CDK14: variants seen among roughly 807,000 people sequenced by gnomAD.
CDK14 encodes cyclin-dependent kinase 14.
In CDK14, 34 loss-of-function variants were observed where a neutral mutation model predicts 60.7. That is an observed-to-expected ratio of 0.56 (90% CI 0.43 to 0.75). CDK14 has a LOEUF of 0.75. Among genes scored for constraint, CDK14 ranks in the 30% least tolerant of loss-of-function variants. CDK14 has a pLI of 0.00. For missense variants in CDK14, 482 were observed against 564.1 expected (o/e 0.85, Z 1.47); for synonymous variants, 197 against 203.7 (o/e 0.97, Z 0.28).
chr7:90,626,795 A>C (rs1799885084), intron 2 of CDK14, among the ~76,000 whole-genome samples: 2 of 151,980 alleles, frequency 1.3e-5, no homozygotes, highest in Non-Finnish European at 2.9e-5. Context: ...AAAATTAGCC[A>C]GGTGTGATGT....
At chr7:91,116,644 T>C (rs572069220) in intron 13 of CDK14, among the ~76,000 whole-genome samples, 1 of 152,280 alleles carries the variant, frequency 6.6e-6, no homozygotes, top group Non-Finnish European at 1.5e-5. Context: ...TAGACTTTCA[T>C]GCTGTTTTGA....
chr7:90,621,478 A>G (rs566679665), intron 2 of CDK14, among the ~76,000 whole-genome samples: 1 of 152,194 alleles, frequency 6.6e-6, no homozygotes, highest in Admixed American at 6.5e-5. Flanking sequence ...CAGCATTTCT[A>G]CCTCTCTCTG....
At chr7:91,125,736 C>T (rs2116405910) in intron 14 of CDK14, among the ~76,000 whole-genome samples, 1 of 152,050 alleles carries the variant, frequency 6.6e-6, no homozygotes, top group Admixed American at 6.5e-5. Context: ...ATAAAAATAA[C>T]CCTGTATGCT....
At chr7:90,779,265 A>G (rs1805201771) in intron 4 of CDK14, among the ~76,000 whole-genome samples, 1 of 152,138 alleles carries the variant, frequency 6.6e-6, no homozygotes, top group South Asian at 2.1e-4. Flanking sequence ...AAAAAGAAAA[A>G]AATATAAAAA....
chr7:91,136,510 T>G (rs1206547416), intron 14 of CDK14, among the ~76,000 whole-genome samples: 1 of 152,190 alleles, frequency 6.6e-6, no homozygotes, highest in African/African-American at 2.4e-5. Flanking sequence ...GAGTGCCTTT[T>G]AAATTTATAA....
In CDK14 at chr7:90,914,059, G is replaced by A. The variant is rs79160063; in HGVS notation, c.703-3542G>A. ...GCCACAGTTAATTTAATGAGGCTGA[G>A]TTGGTAGGTTTACAGCTTCATATAT... On this transcript the variant is annotated intron_variant, in intron 7 of 14. Coordinates refer to ENST00000380050, the MANE Select transcript of CDK14 (RefSeq NM_001287135.2). 2.0e-5 allele frequency among the ~76,000 whole-genome samples: 3 copies of A among 152,276 alleles called. No homozygotes were observed. The East Asian group carries it at 5.8e-4, about 29-fold the overall frequency.
At chr7:90,621,754 C>T (rs1328892603) in intron 2 of CDK14, among the ~76,000 whole-genome samples, 5 of 151,486 alleles carry the variant, frequency 3.3e-5, no homozygotes, top group Non-Finnish European at 5.9e-5. Flanking sequence ...TGGGATTTAT[C>T]TTAAATGTTT....
chr7:90,890,336 A>G (rs111842995), intron 6 of CDK14, among the ~76,000 whole-genome samples: 1 of 152,142 alleles, frequency 6.6e-6, no homozygotes, highest in Admixed American at 6.5e-5. Context: ...TCACACCACT[A>G]CACTCCAGCC....
chr7:91,137,645 C>A (rs1172179476), intron 14 of CDK14, among the ~76,000 whole-genome samples: 2 of 151,630 alleles, frequency 1.3e-5, no homozygotes, highest in African/African-American at 4.9e-5. Flanking sequence ...CACACTCACA[C>A]CAAGATAAGC....
At chr7:90,759,054 T>TAAAAAA (rs66582106) in intron 4 of CDK14, among the ~76,000 whole-genome samples, 37 of 134,726 alleles carry the variant, frequency 2.7e-4, no homozygotes, top group South Asian at 5.0e-4. Context: ...AGACTCTGTC[T>TAAAAAA]AAAAAAAAAA....
intron 14 of CDK14, among the ~76,000 whole-genome samples, chr7:91,149,103 G>A (rs1188639428): frequency 2.0e-5 from 3 of 152,110 alleles, no homozygotes; most frequent in Admixed American, 2.0e-4. Flanking sequence ...CAATATACAA[G>A]CAAAAGGTCC....
intron 2 of CDK14, among the ~76,000 whole-genome samples, chr7:90,620,181 A>G (rs1354323548): frequency 6.6e-6 from 1 of 152,194 alleles, no homozygotes; most frequent in Admixed American, 6.5e-5. Flanking sequence ...TTTCAGTGGG[A>G]CATCTACCAC....
chr7:90,642,679 A>G (rs1271601162), intron 2 of CDK14, among the ~76,000 whole-genome samples: 1 of 152,134 alleles, frequency 6.6e-6, no homozygotes, highest in Non-Finnish European at 1.5e-5. Context: ...TGTGCCTAGC[A>G]TGAATTGGGA....
At chr7:91,087,587 T>C (rs1393897079) in intron 12 of CDK14, among the ~76,000 whole-genome samples, 4 of 152,290 alleles carry the variant, frequency 2.6e-5, no homozygotes, top group Non-Finnish European at 2.9e-5. Flanking sequence ...AGGGTATAAA[T>C]TACTGGGTAC....
chr7:90,868,896 G>A (rs1176142054), intron 6 of CDK14, among the ~76,000 whole-genome samples: 1 of 152,174 alleles, frequency 6.6e-6, no homozygotes, highest in Non-Finnish European at 1.5e-5. Context: ...AAAGATGCCA[G>A]TTACTCCATT....
intron 7 of CDK14, among the ~76,000 whole-genome samples, chr7:90,903,302 G>A (rs2117366995): frequency 6.6e-6 from 1 of 152,150 alleles, no homozygotes; most frequent in Admixed American, 6.5e-5. Flanking sequence ...GCAAAGATAT[G>A]GAATCAATCT....
chr7:90,984,310 A>G, intron 10 of CDK14, 69 bp downstream of exon 10: 3 of 950,668 alleles, frequency 3.2e-6, no homozygotes, highest in Non-Finnish European at 5.1e-6. Flanking sequence ...CAAATTCTAC[A>G]GCAGTCTGTG....
rs548218812 is a variant in CDK14 at position 90,726,811 on chromosome 7, C to G, written c.368C>G (p.Ser123Trp). 1.2e-6 allele frequency: 2 copies of G among 1,613,282 alleles called. No individual in the cohort carries two copies. The highest frequency in any genetic ancestry group is 2.2e-5 in the East Asian group (1 of 44,878). ...GTTAGGCGGCACTCCAGCCCCAGCTCGGTAAGTGCAGTCTTTTTGTTTATC... is the reference window on the plus strand; with the variant it reads ...GTTAGGCGGCACTCCAGCCCCAGCTGGGTAAGTGCAGTCTTTTTGTTTATC... ...PKVRRHSSPS[S>W]PTSPKFGKAD... Residue 123 changes from serine to tryptophan, a missense_variant and splice_region_variant, in exon 3 of 15, where the codon TCG becomes TGG. Coordinates refer to ENST00000380050, the MANE Select transcript of CDK14 (RefSeq NM_001287135.2).
chr7:91,204,598 G>A (rs919659999), intron 14 of CDK14, among the ~76,000 whole-genome samples: 2 of 152,062 alleles, frequency 1.3e-5, no homozygotes, highest in South Asian at 4.1e-4. Context: ...ATGATCAAAG[G>A]ACTTGAATAG....
Sources: gnomAD v4.1 joint callset for allele counts (sites outside exome capture counted in the v4.1 genomes callset) on GRCh38, gnomAD v4.1.1 for gene constraint, MANE v1.5 for transcripts, NCBI Gene and HGNC (gene_info 2026-07-23, HGNC 2026-07-21) for gene names.